The following MAP4 variants were observed in gnomAD, a reference collection of about 807,000 sequenced individuals.
The protein encoded by MAP4 is microtubule associated protein 4, also known as microtubule-associated protein 4.
A neutral mutation model predicts 170.2 loss-of-function variants in MAP4; 76 were observed. The ratio of observed to expected loss-of-function variants is 0.45; its 90% CI spans 0.37 to 0.54. The LOEUF is 0.54. Among genes scored for constraint, MAP4 ranks in the 20% least tolerant of loss-of-function variants. The pLI is 0.00. For missense variants in MAP4, 2,506 were observed against 2,748.0 expected (o/e 0.91, Z 1.97); for synonymous variants, 909 against 994.5 (o/e 0.91, Z 1.62).
Position 47,884,206 on chromosome 3 carries a change from G to A in MAP4, c.5435-6683C>T, listed in dbSNP as rs1015991432. ...CATTTTTTCGTCTGTTGTTCAGATT[G>A]AATAAATCCTATTGATCTGTCCTCA... On this transcript the variant is annotated intron_variant, in intron 10 of 20. Transcript: ENST00000683076. Among the ~76,000 whole-genome samples the A allele has an allele frequency of 2.0e-5, 3 of 152,148 alleles. No homozygotes were observed. In the East Asian group the frequency reaches 5.8e-4, roughly 29 times the overall value.
intron 2 of MAP4, among the ~76,000 whole-genome samples, chr3:47,997,295 A>C (rs1344242673): frequency 6.7e-6 from 1 of 149,430 alleles, no homozygotes; most frequent in African/African-American, 2.5e-5. Flanking sequence ...AACTTCCAAA[A>C]TATCATCTAA....
intron 3 of MAP4, among the ~76,000 whole-genome samples, chr3:47,953,823 G>T (rs954138652): frequency 6.6e-6 from 1 of 152,066 alleles, no homozygotes; most frequent in Non-Finnish European, 1.5e-5. Context: ...AGACCAGCCT[G>T]GCCAACATGG....
chr3:48,062,510 A>C (rs1431899322), intron 1 of MAP4, among the ~76,000 whole-genome samples: 3 of 150,436 alleles, frequency 2.0e-5, no homozygotes, highest in African/African-American at 4.9e-5. Flanking sequence ...AAAAAAAAAA[A>C]AAAAAAACAT....
intron 1 of MAP4, among the ~76,000 whole-genome samples, chr3:48,028,048 T>G (rs2154503388): frequency 6.6e-6 from 1 of 152,282 alleles, no homozygotes. Flanking sequence ...TCCCAGTACT[T>G]TGGGAGGCCA....
chr3:48,047,946 CAGAG>C (rs769176939), intron 1 of MAP4, among the ~76,000 whole-genome samples: 12 of 152,084 alleles, frequency 7.9e-5, no homozygotes, highest in Non-Finnish European at 1.6e-4. Context: ...AATAAAGAGA[CAGAG>C]AGAGATGTTT....
intron 17 of MAP4, among the ~76,000 whole-genome samples, chr3:47,860,907 C>T (rs981510970): frequency 3.3e-5 from 5 of 152,116 alleles, no homozygotes; most frequent in African/African-American, 1.2e-4. Flanking sequence ...ACTGAGCTTA[C>T]CCATCAAGGA....
chr3:48,076,768 G>A (rs1419862808), intron 1 of MAP4, among the ~76,000 whole-genome samples: 1 of 152,090 alleles, frequency 6.6e-6, no homozygotes, highest in Non-Finnish European at 1.5e-5. Flanking sequence ...TTAGGCAATC[G>A]TTTCTTAGAT....
At chr3:47,863,486 C>T (rs2072226838) in intron 17 of MAP4, among the ~76,000 whole-genome samples, 1 of 151,986 alleles carries the variant, frequency 6.6e-6, no homozygotes, top group Admixed American at 6.6e-5. Flanking sequence ...CCCAAGTGTC[C>T]CCTCCTCGGG....
chr3:48,040,720 C>T (rs1191684458), intron 1 of MAP4, among the ~76,000 whole-genome samples: 7 of 152,200 alleles, frequency 4.6e-5, no homozygotes, highest in African/African-American at 1.7e-4. Context: ...TGCGCCACCA[C>T]ACCCAGCTAA....
At chr3:48,054,188 G>C (rs1422841092) in intron 1 of MAP4, among the ~76,000 whole-genome samples, 1 of 151,960 alleles carries the variant, frequency 6.6e-6, no homozygotes, top group African/African-American at 2.4e-5. Context: ...GTCTCAGCAA[G>C]TCAGGAGGCT....
At chr3:47,915,050 G>A (rs2100037990) in intron 7 of MAP4, 111 bp from the exon 8 acceptor site, 3 of 1,286,910 alleles carry the variant, frequency 2.3e-6, no homozygotes, top group Admixed American at 1.8e-5. Flanking sequence ...CTCCTACAAG[G>A]GGCAGCAAAG....
chr3:47,912,448 GTTA>G, intron 8 of MAP4, 27 bp from the exon 9 acceptor site: 2 of 1,442,496 alleles, frequency 1.4e-6, no homozygotes, highest in African/African-American at 1.4e-5. Context: ...AAAACTCCTC[GTTA>G]TTGTTTCTTA....
intron 2 of MAP4, among the ~76,000 whole-genome samples, chr3:47,980,426 G>T (rs780133738): frequency 1.3e-5 from 2 of 152,124 alleles, no homozygotes; most frequent in Non-Finnish European, 2.9e-5. Flanking sequence ...AATAAAAAAT[G>T]CAAGATTTTA....
intron 3 of MAP4, among the ~76,000 whole-genome samples, chr3:47,955,379 T>A (rs1294228413): frequency 2.0e-5 from 3 of 151,528 alleles, no homozygotes; most frequent in African/African-American, 7.3e-5. Context: ...TACCATAATG[T>A]AGCCCACAGA....
chr3:48,045,643 T>C (rs965637551), intron 1 of MAP4, among the ~76,000 whole-genome samples: 1 of 152,218 alleles, frequency 6.6e-6, no homozygotes, highest in African/African-American at 2.4e-5. Flanking sequence ...CATAGAAATA[T>C]TGAAAATTAT....
At chr3:47,935,187 C>T (rs2100052009) in intron 3 of MAP4, among the ~76,000 whole-genome samples, 1 of 152,168 alleles carries the variant, frequency 6.6e-6, no homozygotes, top group African/African-American at 2.4e-5. Flanking sequence ...GTTTAAAGAA[C>T]AGTCACATAA....
chr3:47,998,323 A>T (rs1249926064), intron 2 of MAP4, among the ~76,000 whole-genome samples: 2 of 152,192 alleles, frequency 1.3e-5, no homozygotes, highest in East Asian at 3.8e-4. Flanking sequence ...TAACCGCAGA[A>T]TTTTATTTAA....
At chr3:47,887,595 AC>A (rs1357148380) in intron 10 of MAP4, among the ~76,000 whole-genome samples, 1 of 152,218 alleles carries the variant, frequency 6.6e-6, no homozygotes, top group Non-Finnish European at 1.5e-5. Context: ...ATGCGAACGC[AC>A]CACGGCGCAG....
At chr3:47,897,138 T>C (rs1313710894) in intron 10 of MAP4, among the ~76,000 whole-genome samples, 2 of 152,132 alleles carry the variant, frequency 1.3e-5, no homozygotes, top group African/African-American at 4.8e-5. Flanking sequence ...TGTATCTTTA[T>C]TTTTTTGAGA....
Sources: allele counts gnomAD v4.1 joint callset (sites outside exome capture counted in the v4.1 genomes callset), GRCh38; gene constraint gnomAD v4.1.1; transcripts MANE v1.5; gene names NCBI Gene and HGNC (gene_info 2026-07-23, HGNC 2026-07-21).